Variants in GPC5 observed in about 807,000 individuals in gnomAD.
GPC5 encodes the protein glypican-5.
A neutral mutation model predicts 53.9 loss-of-function variants in GPC5; 47 were observed. The observed-to-expected ratio is 0.87, with a 90% CI of 0.69 to 1.11. GPC5 has a LOEUF of 1.11. Ranked by LOEUF, GPC5 falls within the 50% of genes most tolerant of loss-of-function variation. The probability of loss-of-function intolerance (pLI) is 0.00; values close to 1 mark genes in which losing one functional copy is unlikely to be tolerated. For synonymous variants in GPC5, 286 were observed against 263.3 expected (o/e 1.09, Z -0.84); for missense variants, 748 against 713.1 (o/e 1.05, Z -0.56).
chr13:92,098,935 T>G (rs983267599), intron 6 of GPC5, among the ~76,000 whole-genome samples: 1 of 150,046 alleles, frequency 6.7e-6, no homozygotes, highest in African/African-American at 2.4e-5. Context: ...AGCAGAAACA[T>G]GAAACTAAGA....
At chr13:91,500,450 G>A (rs892630583) in intron 2 of GPC5, among the ~76,000 whole-genome samples, 11 of 152,166 alleles carry the variant, frequency 7.2e-5, no homozygotes, top group Admixed American at 1.3e-4. Flanking sequence ...TGGGTATTAG[G>A]GAGGATTCCC....
At chr13:92,725,216 T>G (rs1888611049) in intron 7 of GPC5, among the ~76,000 whole-genome samples, 1 of 151,690 alleles carries the variant, frequency 6.6e-6, no homozygotes, top group Non-Finnish European at 1.5e-5. Context: ...GCCACATTCG[T>G]GCCTATTTCC....
intron 7 of GPC5, among the ~76,000 whole-genome samples, chr13:92,208,090 G>A (rs150428948): frequency 5.4e-4 from 82 of 152,258 alleles, no homozygotes; most frequent in South Asian, 1.0e-3. Flanking sequence ...GAATTCAGCC[G>A]TTCTCTGCAT....
At chr13:92,113,115 C>G (rs756999375) in intron 6 of GPC5, among the ~76,000 whole-genome samples, 1 of 152,022 alleles carries the variant, frequency 6.6e-6, no homozygotes, top group Non-Finnish European at 1.5e-5. Flanking sequence ...AATAATTTTA[C>G]TTCTCTTTTC....
chr13:92,300,885 T>A (rs2043070866), intron 7 of GPC5, among the ~76,000 whole-genome samples: 1 of 152,230 alleles, frequency 6.6e-6, no homozygotes, highest in African/African-American at 2.4e-5. Context: ...ATTAGCTAAT[T>A]GAGGCATCAG....
At position 92,145,356 on chromosome 13, in the gene GPC5, T is replaced by G. The variant is rs111508909; in HGVS notation, c.1561+367T>G. Among the ~76,000 whole-genome samples the G allele has an allele frequency of 7.2e-3, 1,101 of 152,218 alleles. 6 individuals carry two copies. Among genetic ancestry groups the G allele is most frequent in the South Asian group, 0.014 (68 of 4,822 alleles). The stretch of plus-strand genomic sequence containing the variant: ...ATAATCAAATTGTGCAATTAAAAAA[T>G]TACATCATTATATAAGAAAGTTTTT... On this transcript the variant is annotated intron_variant, in intron 7 of 7. Transcript: ENST00000377067.
chr13:92,141,573 G>A (rs1236932363), intron 6 of GPC5, among the ~76,000 whole-genome samples: 3 of 152,096 alleles, frequency 2.0e-5, no homozygotes, highest in Admixed American at 6.5e-5. Flanking sequence ...CAGTAAATGT[G>A]GCCCATTTGA....
chr13:92,533,263 T>C (rs763023854), intron 7 of GPC5, among the ~76,000 whole-genome samples: 1 of 152,184 alleles, frequency 6.6e-6, no homozygotes. Context: ...TTTACTTCAC[T>C]GTATGTTCTC....
At chr13:91,990,292 T>A (rs973049713) in intron 6 of GPC5, among the ~76,000 whole-genome samples, 1 of 152,180 alleles carries the variant, frequency 6.6e-6, no homozygotes, top group Admixed American at 6.5e-5. Context: ...GTCTTTAAAG[T>A]ATCAGTGATC....
At chr13:92,712,743 G>A (rs934688407) in intron 7 of GPC5, among the ~76,000 whole-genome samples, 10 of 152,160 alleles carry the variant, frequency 6.6e-5, no homozygotes, top group African/African-American at 2.2e-4. Flanking sequence ...GTACCTTAGA[G>A]TGTGGCTGAT....
At position 91,881,768 on chromosome 13, in the gene GPC5, G is replaced by C. The variant is rs768416961; in HGVS notation, c.1281-26169G>C. The stretch of plus-strand genomic sequence containing the variant: ...TAGGTTGTAGCAGGAATAATTCTAA[G>C]GTAGCCCCTATGACCTTCATTTCCT... On this transcript the variant is annotated intron_variant, in intron 5 of 7. Coordinates refer to ENST00000377067, the MANE Select transcript of GPC5 (RefSeq NM_004466.6). Among the ~76,000 whole-genome samples the C allele has an allele frequency of 3.3e-4, 50 of 152,248 alleles. 1 individual carries two copies. The highest frequency in any genetic ancestry group is 6.8e-3 in the Middle Eastern group (2 of 294).
intron 5 of GPC5, among the ~76,000 whole-genome samples, chr13:91,772,593 A>G (rs2037643717): frequency 6.6e-6 from 1 of 152,168 alleles, no homozygotes; most frequent in Non-Finnish European, 1.5e-5. Flanking sequence ...CTTCAATGTC[A>G]CCTAATTTAT....
chr13:92,357,439 G>T (rs2043531671), intron 7 of GPC5, among the ~76,000 whole-genome samples: 1 of 151,550 alleles, frequency 6.6e-6, no homozygotes, highest in Non-Finnish European at 1.5e-5. Flanking sequence ...TTTCATTGTG[G>T]TTTTTACTTG....
chr13:91,737,795 CT>C (rs1226877060), intron 4 of GPC5, among the ~76,000 whole-genome samples: 1 of 151,356 alleles, frequency 6.6e-6, no homozygotes, highest in Non-Finnish European at 1.5e-5. Flanking sequence ...TCAACCTATT[CT>C]TTTGAGGTAA....
At chr13:92,426,094 C>T (rs1876819964) in intron 7 of GPC5, among the ~76,000 whole-genome samples, 1 of 152,038 alleles carries the variant, frequency 6.6e-6, no homozygotes, top group Non-Finnish European at 1.5e-5. Flanking sequence ...TTTAGAAATG[C>T]TTTACTTTGA....
At chr13:91,654,189 A>C (rs1442312969) in intron 2 of GPC5, among the ~76,000 whole-genome samples, 3 of 152,194 alleles carry the variant, frequency 2.0e-5, no homozygotes, top group African/African-American at 7.2e-5. Flanking sequence ...CTGGTTCCAC[A>C]CAGTGAGAAT....
At chr13:92,502,286 A>G (rs2138935110) in intron 7 of GPC5, among the ~76,000 whole-genome samples, 1 of 152,148 alleles carries the variant, frequency 6.6e-6, no homozygotes, top group East Asian at 1.9e-4. Flanking sequence ...TAACCCAAGG[A>G]AAATAAGAAA....
chr13:91,702,455 G>A (rs2036013451), intron 3 of GPC5, among the ~76,000 whole-genome samples: 1 of 151,928 alleles, frequency 6.6e-6, no homozygotes, highest in Non-Finnish European at 1.5e-5. Context: ...TAATTAACTA[G>A]AGATGCATAA....
At chr13:92,827,311 T>C (rs893955174) in intron 7 of GPC5, among the ~76,000 whole-genome samples, 2 of 152,150 alleles carry the variant, frequency 1.3e-5, no homozygotes, top group Admixed American at 6.5e-5. Flanking sequence ...AAGTATATCC[T>C]TGTGGCTATC....
Sources: gnomAD v4.1 joint callset for allele counts (sites outside exome capture counted in the v4.1 genomes callset) on GRCh38, gnomAD v4.1.1 for gene constraint, MANE v1.5 for transcripts, NCBI Gene and HGNC (gene_info 2026-07-23, HGNC 2026-07-21) for gene names.